SLC39A11: variants seen among roughly 807,000 people sequenced by gnomAD.
SLC39A11 encodes solute carrier family 39 member 11.
SLC39A11 carries 33 observed loss-of-function variants against 36.1 expected under a neutral mutation model. The ratio of observed to expected loss-of-function variants is 0.91; its 90% CI spans 0.69 to 1.22. The LOEUF (loss-of-function observed/expected upper bound fraction) is 1.22, where lower values mean the gene tolerates loss of function less well. Ranked by LOEUF, SLC39A11 falls within the 50% of genes most tolerant of loss-of-function variation. The pLI, the probability that SLC39A11 is intolerant of heterozygous loss-of-function variation, is 0.00. For synonymous variants in SLC39A11, 166 were observed against 170.3 expected, an observed-to-expected ratio of 0.97 and a Z score of 0.20; for missense variants, 432 against 430.3, an observed-to-expected ratio of 1.00 and a Z score of -0.03.
chr17:72,821,573 A>C (rs1364855954), intron 6 of SLC39A11: 1 of 150,728 alleles, frequency 6.6e-6, no homozygotes, highest in African/African-American at 2.4e-5. Flanking sequence ...TGTGGAAAAA[A>C]AAATCTGAAA....
At chr17:72,742,851 T>C (rs370558932) in intron 6 of SLC39A11, among the ~76,000 whole-genome samples, 1 of 152,208 alleles carries the variant, frequency 6.6e-6, no homozygotes, top group African/African-American at 2.4e-5. Context: ...TCCCATTGAG[T>C]GGCAGGGCTC....
intron 3 of SLC39A11, among the ~76,000 whole-genome samples, chr17:73,082,125 AG>A (rs1180232334): frequency 0.032 from 4,489 of 142,152 alleles, 344 homozygotes; most frequent in East Asian, 0.069. Context: ...CTAAAAAAAA[AG>A]AAAAAAAAAA....
intron 5 of SLC39A11, among the ~76,000 whole-genome samples, chr17:72,942,916 ACCGTT>A (rs1480779282): frequency 6.6e-6 from 1 of 152,158 alleles, no homozygotes; most frequent in Non-Finnish European, 1.5e-5. Flanking sequence ...AACTAGAGAA[ACCGTT>A]CCCAGTCAAC....
intron 6 of SLC39A11, among the ~76,000 whole-genome samples, chr17:72,781,409 TTTGG>T (rs1006610302): frequency 1.3e-5 from 2 of 150,588 alleles, no homozygotes; most frequent in African/African-American, 5.0e-5. Context: ...TTTTGTTTCT[TTTGG>T]TTTTTTTTTT....
chr17:72,896,571 A>G (rs1323244872), intron 5 of SLC39A11, among the ~76,000 whole-genome samples: 1 of 152,170 alleles, frequency 6.6e-6, no homozygotes, highest in Non-Finnish European at 1.5e-5. Context: ...CGAAAGATGA[A>G]GAAAGACCAA....
rs529953632 is a variant in SLC39A11 at position 72,738,293 on chromosome 17, C to T, written c.602-1574G>A. On this transcript the variant is annotated intron_variant, in intron 6 of 9. Transcript: ENST00000255559. ...TGCTGGGATTACAGGCATGAGCCAC[C>T]GCACCTGGCCAAGCAAGCATTTTTA... 6.6e-5 allele frequency among the ~76,000 whole-genome samples: 10 copies of T among 152,222 alleles called. No individual in the cohort carries two copies. The East Asian group carries it at 1.2e-3, about 18-fold the overall frequency.
chr17:72,967,873 G>C (rs1339639573), intron 4 of SLC39A11, among the ~76,000 whole-genome samples: 1 of 152,188 alleles, frequency 6.6e-6, no homozygotes, highest in African/African-American at 2.4e-5. Flanking sequence ...CCCCTTAACA[G>C]CAGAGCTAAG....
chr17:73,056,200 GCT>G (rs772621731), intron 3 of SLC39A11, among the ~76,000 whole-genome samples: 1 of 150,734 alleles, frequency 6.6e-6, no homozygotes, highest in African/African-American at 2.4e-5. Context: ...ACGGAGTCTC[GCT>G]CTGTCACCCA....
rs762382817 is a variant in SLC39A11 at position 72,947,759 on chromosome 17, G to T, written c.423C>A (p.Ile141=). 20 of 1,613,904 alleles carry T rather than the reference G, an allele frequency of 1.2e-5. No homozygotes were observed. The Middle Eastern group carries it at 5.0e-4, about 40-fold the overall frequency. Residue 141 remains isoleucine, a synonymous_variant, in exon 5 of 10, where the codon ATC becomes ATA. Coordinates refer to ENST00000255559, the MANE Select transcript of SLC39A11 (RefSeq NM_139177.4). ...ALLFPESELS[I]RIDKSENGEA... ...AAAGAAGCCCAGCTCTACCTATCCG[G>T]ATGGAAAGTTCACTCTCAGGGAAGA...
At chr17:72,980,137 C>T (rs1463518446) in intron 4 of SLC39A11, among the ~76,000 whole-genome samples, 1 of 152,000 alleles carries the variant, frequency 6.6e-6, no homozygotes, top group African/African-American at 2.4e-5. Flanking sequence ...TGTACATGTA[C>T]AAATCTCAAA....
intron 3 of SLC39A11, 52 bp downstream of exon 3, chr17:73,084,756 T>C (rs1488637235): frequency 1.3e-6 from 2 of 1,595,840 alleles, no homozygotes; most frequent in East Asian, 2.2e-5. Context: ...GGCAGACACA[T>C]GTCAGAATCA....
At chr17:72,767,236 T>C (rs1032656699) in intron 6 of SLC39A11, among the ~76,000 whole-genome samples, 3 of 152,268 alleles carry the variant, frequency 2.0e-5, no homozygotes, top group Non-Finnish European at 2.9e-5. Context: ...ACGTTTATTG[T>C]AGTATTTTGT....
At chr17:72,836,065 G>A (rs998038245) in intron 6 of SLC39A11, among the ~76,000 whole-genome samples, 2 of 152,192 alleles carry the variant, frequency 1.3e-5, no homozygotes, top group African/African-American at 4.8e-5. Flanking sequence ...CCTGTGTACG[G>A]TGAGGCTTCC....
intron 7 of SLC39A11, among the ~76,000 whole-genome samples, chr17:72,662,256 T>G (rs1386032540): frequency 1.4e-5 from 2 of 144,374 alleles, no homozygotes; most frequent in Admixed American, 7.2e-5. Context: ...GCCAACAGAA[T>G]GAGGCCTTTT....
chr17:72,653,428 T>G (rs550662161), intron 7 of SLC39A11, among the ~76,000 whole-genome samples: 1,664 of 128,664 alleles, frequency 0.013, 39 homozygotes, highest in African/African-American at 0.047. Flanking sequence ...TGGTTTTTCT[T>G]TTCTTTTCTT....
chr17:73,003,892 C>A (rs1451977389), intron 4 of SLC39A11, among the ~76,000 whole-genome samples: 3 of 152,020 alleles, frequency 2.0e-5, no homozygotes, highest in Non-Finnish European at 4.4e-5. Context: ...TTGAGACCAG[C>A]CTGGCCAACA....
At chr17:72,671,891 T>C (rs964111879) in intron 7 of SLC39A11, among the ~76,000 whole-genome samples, 5 of 152,056 alleles carry the variant, frequency 3.3e-5, no homozygotes, top group Non-Finnish European at 7.4e-5. Flanking sequence ...TAGGGAGGTA[T>C]TGGTGAAAGG....
At chr17:72,705,508 G>A (rs1367390999) in intron 7 of SLC39A11, among the ~76,000 whole-genome samples, 2 of 152,298 alleles carry the variant, frequency 1.3e-5, no homozygotes, top group South Asian at 4.1e-4. Context: ...CACTTGTAAC[G>A]ATGGGATCTG....
chr17:72,984,382 A>G (rs77521836), intron 4 of SLC39A11, among the ~76,000 whole-genome samples: 23 of 120,732 alleles, frequency 1.9e-4, no homozygotes, highest in Non-Finnish European at 2.8e-4. Context: ...GACATTTAAA[A>G]AAAAAAAAAA....
Sources: gnomAD v4.1 joint callset for allele counts (sites outside exome capture counted in the v4.1 genomes callset) on GRCh38, gnomAD v4.1.1 for gene constraint, MANE v1.5 for transcripts, NCBI Gene and HGNC (gene_info 2026-07-23, HGNC 2026-07-21) for gene names.